The following SGCZ variants were observed in gnomAD, a reference collection of about 807,000 sequenced individuals.
SGCZ encodes the protein zeta-sarcoglycan.
Under a neutral mutation model 41.3 loss-of-function variants are expected in SGCZ, and 40 were observed. That is an observed-to-expected ratio of 0.97 (90% confidence interval 0.75 to 1.26). SGCZ has a LOEUF of 1.26. SGCZ is among the 50% of genes most tolerant of loss of function. The pLI is 0.00. For missense variants in SGCZ, 552 were observed against 369.8 expected, an observed-to-expected ratio of 1.49 and a Z score of -4.04; for synonymous variants, 206 against 137.5, an observed-to-expected ratio of 1.50 and a Z score of -3.49.
chr8:14,273,563 G>C (rs2117269054), intron 3 of SGCZ, among the ~76,000 whole-genome samples: 1 of 152,184 alleles, frequency 6.6e-6, no homozygotes, highest in Admixed American at 6.5e-5. Flanking sequence ...TTATTATTAA[G>C]CAAAATGTTT....
At chr8:14,282,389 C>A (rs59285818) in intron 3 of SGCZ, among the ~76,000 whole-genome samples, 24,844 of 152,064 alleles carry the variant, frequency 0.16, 2,240 homozygotes, top group East Asian at 0.28. Context: ...TTTATTCTAT[C>A]ATCTTCCTAA....
At chr8:15,026,676 A>G (rs1490561166) in intron 1 of SGCZ, among the ~76,000 whole-genome samples, 2 of 152,164 alleles carry the variant, frequency 1.3e-5, no homozygotes, top group South Asian at 2.1e-4. Flanking sequence ...CCATTCTCTA[A>G]TAAAGCTTCT....
intron 1 of SGCZ, among the ~76,000 whole-genome samples, chr8:15,111,175 T>G (rs779205232): frequency 3.3e-5 from 5 of 151,886 alleles, no homozygotes; most frequent in Admixed American, 1.3e-4. Flanking sequence ...TAAACATGAC[T>G]CAAAAGGAAA....
chr8:15,223,735 T>C (rs777670652), intron 1 of SGCZ, among the ~76,000 whole-genome samples: 3 of 152,192 alleles, frequency 2.0e-5, no homozygotes, highest in Admixed American at 6.5e-5. Context: ...ACTAATTATA[T>C]TTTGCACATT....
intron 2 of SGCZ, among the ~76,000 whole-genome samples, chr8:14,377,073 G>A (rs1804159140): frequency 6.6e-6 from 1 of 152,062 alleles, no homozygotes; most frequent in Non-Finnish European, 1.5e-5. Context: ...CTCTTGATGG[G>A]CCCCTATATA....
At chr8:14,738,095 G>A (rs1073065) in intron 1 of SGCZ, among the ~76,000 whole-genome samples, 9,139 of 152,070 alleles carry the variant, frequency 0.06, 578 homozygotes, top group African/African-American at 0.16. Context: ...ACAGCCACAC[G>A]ATATTGCTCT....
intron 1 of SGCZ, among the ~76,000 whole-genome samples, chr8:15,230,573 G>A (rs1250556644): frequency 6.6e-6 from 1 of 152,172 alleles, no homozygotes; most frequent in African/African-American, 2.4e-5. Flanking sequence ...CTATATCAAT[G>A]TGAAAATAAT....
At chr8:14,766,719 G>C (rs1231744551) in intron 1 of SGCZ, among the ~76,000 whole-genome samples, 1 of 141,362 alleles carries the variant, frequency 7.1e-6, no homozygotes, top group East Asian at 2.1e-4. Flanking sequence ...CTGTCACCAT[G>C]TCCAGCTATT....
intron 1 of SGCZ, among the ~76,000 whole-genome samples, chr8:14,818,354 T>C (rs1019653485): frequency 2.0e-5 from 3 of 152,124 alleles, no homozygotes; most frequent in Non-Finnish European, 2.9e-5. Context: ...ACTGAGGCAA[T>C]TGCAGACATT....
chr8:14,164,876 G>A, intron 4 of SGCZ, 174 bp from the exon 5 acceptor site: 1 of 780,942 alleles, frequency 1.3e-6, no homozygotes, highest in South Asian at 1.9e-5. Context: ...GGCTAATTTG[G>A]GAATGTACTT....
chr8:14,324,337 T>A (rs1802022250), intron 2 of SGCZ, 133 bp from the exon 3 acceptor site: 1 of 685,978 alleles, frequency 1.5e-6, no homozygotes, highest in Non-Finnish European at 2.6e-6. Flanking sequence ...AGAGATTGAA[T>A]CTACTTAATT....
At chr8:14,103,615 G>A (rs1802104898) in intron 6 of SGCZ, among the ~76,000 whole-genome samples, 1 of 151,942 alleles carries the variant, frequency 6.6e-6, no homozygotes, top group Non-Finnish European at 1.5e-5. Context: ...AAGGAGTAGA[G>A]CCAGCATTGA....
Position 14,085,342 on chromosome 8 carries a change from T to A in SGCZ, c.*5101A>T, listed in dbSNP as rs1232958213. ...ATAGTGGACCTGATTTAAAGAATTGTATAAATAACGAGACACTCAAACTCC... is the reference window on the plus strand; with the variant it reads ...ATAGTGGACCTGATTTAAAGAATTGAATAAATAACGAGACACTCAAACTCC... On this transcript the variant is annotated 3_prime_UTR_variant, in exon 8 of 8. Coordinates refer to ENST00000382080, the MANE Select transcript of SGCZ (RefSeq NM_139167.4). Among the ~76,000 whole-genome samples, 1 of 151,808 alleles carries A rather than the reference T, an allele frequency of 6.6e-6. No homozygotes were observed. The highest frequency in any genetic ancestry group is 1.5e-5 in the Non-Finnish European group (1 of 67,828).
At chr8:14,329,246 G>A (rs1365063389) in intron 2 of SGCZ, among the ~76,000 whole-genome samples, 1 of 152,094 alleles carries the variant, frequency 6.6e-6, no homozygotes, top group Non-Finnish European at 1.5e-5. Context: ...ACTTTGACAT[G>A]TTGTCTATCT....
At chr8:14,982,920 G>A (rs1354153269) in intron 1 of SGCZ, among the ~76,000 whole-genome samples, 3 of 152,066 alleles carry the variant, frequency 2.0e-5, no homozygotes, top group Non-Finnish European at 4.4e-5. Context: ...GCATATACTT[G>A]GTTAAAAAGC....
chr8:14,908,923 T>C (rs1044448007), intron 1 of SGCZ, among the ~76,000 whole-genome samples: 1 of 152,304 alleles, frequency 6.6e-6, no homozygotes. Flanking sequence ...GTTCACCAAA[T>C]GTTTTTCTTG....
At chr8:15,214,565 A>G (rs1801338755) in intron 1 of SGCZ, among the ~76,000 whole-genome samples, 1 of 152,076 alleles carries the variant, frequency 6.6e-6, no homozygotes, top group Non-Finnish European at 1.5e-5. Flanking sequence ...ACTGTTTCTA[A>G]TTGCTTCTTA....
intron 2 of SGCZ, among the ~76,000 whole-genome samples, chr8:14,429,801 A>T (rs1585500218): frequency 1.3e-5 from 2 of 151,142 alleles, no homozygotes; most frequent in East Asian, 3.9e-4. Flanking sequence ...TTTTTTTTTT[A>T]GTGGTAATTT....
At chr8:15,232,991 A>C (rs758370034) in intron 1 of SGCZ, among the ~76,000 whole-genome samples, 1 of 151,652 alleles carries the variant, frequency 6.6e-6, no homozygotes, top group African/African-American at 2.4e-5. Flanking sequence ...AATGATATTA[A>C]TTTTTCAAAT....
Sources: gnomAD v4.1 joint callset for allele counts (sites outside exome capture counted in the v4.1 genomes callset) on GRCh38, gnomAD v4.1.1 for gene constraint, MANE v1.5 for transcripts, NCBI Gene and HGNC (gene_info 2026-07-23, HGNC 2026-07-21) for gene names.